The following FBXL4 variants were observed in gnomAD, a reference collection of about 807,000 sequenced individuals.
FBXL4 encodes F-box/LRR-repeat protein 4.
A neutral mutation model predicts 58.9 loss-of-function variants in FBXL4; 40 were observed. The ratio of observed to expected loss-of-function variants is 0.68; its 90% CI spans 0.53 to 0.88. The LOEUF (loss-of-function observed/expected upper bound fraction) is 0.88. Ranked by LOEUF, FBXL4 falls within the 40% of genes least tolerant of loss-of-function variation. FBXL4 has a pLI of 0.00. For synonymous variants in FBXL4, 263 were observed against 265.5 expected, an observed-to-expected ratio of 0.99 and a Z score of 0.09; for missense variants, 676 against 734.4, an observed-to-expected ratio of 0.92 and a Z score of 0.92.
chr6:98,871,523 C>G lies in FBXL4; in HGVS notation c.*2755G>C, dbSNP rs1770490244. On this transcript the variant is annotated 3_prime_UTR_variant, in exon 10 of 10. Coordinates refer to ENST00000369244, the MANE Select transcript of FBXL4 (RefSeq NM_001278716.2). The stretch of plus-strand genomic sequence containing the variant: ...TTCATGCAACCTGAAGTAGAATCTG[C>G]TAAGATGTGTTACAACTGGTGGTGT... 6.6e-6 allele frequency: 1 copy of G among 152,170 alleles called. No homozygotes were observed. Among genetic ancestry groups the G allele is most frequent in the African/African-American group, 2.4e-5 (1 of 41,444 alleles). 9.4% of individuals were successfully genotyped at this position (152,170 alleles called of 1,614,324 possible).
chr6:98,913,281 A>C (rs974846828), intron 5 of FBXL4, among the ~76,000 whole-genome samples: 2 of 152,094 alleles, frequency 1.3e-5, no homozygotes, highest in Non-Finnish European at 2.9e-5. Flanking sequence ...ACAGAAAGTT[A>C]ACAAGGATAC....
intron 5 of FBXL4, among the ~76,000 whole-genome samples, chr6:98,908,654 T>C (rs2604064): frequency 0.013 from 1,982 of 152,176 alleles, 44 homozygotes; most frequent in African/African-American, 0.045. Context: ...CTAGACAACA[T>C]TGGTATCAAA....
At chr6:98,946,882 T>TA (rs1184236732) in intron 1 of FBXL4, among the ~76,000 whole-genome samples, 2 of 152,126 alleles carry the variant, frequency 1.3e-5, no homozygotes, top group African/African-American at 4.8e-5. Flanking sequence ...AACCAACAGA[T>TA]ACAATATGCG....
chr6:98,916,298 C>A (rs535214937), intron 5 of FBXL4, among the ~76,000 whole-genome samples: 40 of 152,260 alleles, frequency 2.6e-4, no homozygotes, highest in Non-Finnish European at 2.4e-4. Context: ...ACCATTTGAC[C>A]CAGCCATCCC....
At chr6:98,929,352 A>G (rs1582443526) in intron 2 of FBXL4, among the ~76,000 whole-genome samples, 1 of 152,168 alleles carries the variant, frequency 6.6e-6, no homozygotes, top group East Asian at 1.9e-4. Context: ...CAGGTGGATC[A>G]CCTGAGGTCA....
intron 1 of FBXL4, among the ~76,000 whole-genome samples, chr6:98,936,746 C>G (rs1241974118): frequency 6.6e-6 from 1 of 152,138 alleles, no homozygotes; most frequent in Non-Finnish European, 1.5e-5. Context: ...CAACCATAGG[C>G]TATTCAGTGG....
Position 98,905,468 on chromosome 6 carries a change from C to T in FBXL4, c.1061G>A (p.Trp354Ter). The T allele has an allele frequency of 6.2e-7, 1 of 1,613,920 alleles. No homozygotes were observed. The highest frequency in any genetic ancestry group is 8.5e-7 in the Non-Finnish European group (1 of 1,179,946). ...CTLVQWLNLS[W>*]TGNRGFISVA... The stretch of plus-strand genomic sequence containing the variant: ...AGAGATGAAGCCTCTATTGCCAGTC[C>T]AAGATAAATTAAGCCACTGGACAAG... The change falls in exon 6 of 10, where the codon TGG becomes TAG. Residue 354 changes from tryptophan to a stop codon, truncating the protein, a stop_gained. Transcript: ENST00000369244. LOFTEE classifies it high-confidence loss of function.
intron 7 of FBXL4, among the ~76,000 whole-genome samples, chr6:98,882,881 TACAA>T (rs780373793): frequency 2.4e-4 from 37 of 152,188 alleles, no homozygotes; most frequent in African/African-American, 5.5e-4. Context: ...TTTTCACCAT[TACAA>T]ACAGTGTTAG....
At chr6:98,901,493 C>G (rs775072980) in intron 6 of FBXL4, among the ~76,000 whole-genome samples, 1 of 152,010 alleles carries the variant, frequency 6.6e-6, no homozygotes, top group Non-Finnish European at 1.5e-5. Flanking sequence ...TAGGAAACTT[C>G]CCAACTTGAT....
chr6:98,912,673 G>A, intron 5 of FBXL4, among the ~76,000 whole-genome samples: 1 of 151,944 alleles, frequency 6.6e-6, no homozygotes, highest in Admixed American at 6.6e-5. Context: ...GCTCCTGAAG[G>A]AAGCACTAAA....
At chr6:98,880,684 GAAGAGGTCAATTAGACATTA>G in intron 7 of FBXL4, 60 bp from the exon 8 acceptor site, 13 of 1,413,826 alleles carry the variant, frequency 9.2e-6, no homozygotes, top group Non-Finnish European at 1.3e-5. Flanking sequence ...GAAACAAAGA[GAAGAGGTCAATTAGACATTA>G]AAGGCTGTCA....
intron 1 of FBXL4, among the ~76,000 whole-genome samples, chr6:98,945,573 T>C (rs1040034137): frequency 1.3e-5 from 2 of 152,234 alleles, no homozygotes; most frequent in Admixed American, 6.5e-5. Context: ...AATGCATACA[T>C]TTATTTCATG....
In FBXL4 at chr6:98,871,601, A is replaced by G. The variant is rs1770492171; in HGVS notation, c.*2677T>C. On this transcript the variant is annotated 3_prime_UTR_variant, in exon 10 of 10. Transcript: ENST00000369244. ...GTTTGTCAAATTTATAAAGCCTGTGAAAAGGTAAGAAGGTATTTAAAATCT... is the reference window on the plus strand; with the variant it reads ...GTTTGTCAAATTTATAAAGCCTGTGGAAAGGTAAGAAGGTATTTAAAATCT... 1.3e-5 allele frequency: 2 copies of G among 152,242 alleles called. No individual in the cohort carries two copies. The highest frequency in any genetic ancestry group is 1.3e-4 in the Admixed American group (2 of 15,288). The allele number at this position is 152,242 out of a possible 1,614,324, so 9.4% of individuals were successfully genotyped here. A position where few individuals can be genotyped will look rare whatever the true frequency, so the allele number is the denominator to read the frequency against.
intron 7 of FBXL4, among the ~76,000 whole-genome samples, chr6:98,886,149 T>A (rs780461191): frequency 6.6e-6 from 1 of 152,194 alleles, no homozygotes; most frequent in Admixed American, 6.5e-5. Flanking sequence ...TGTGAGATAA[T>A]ACATGTAGGT....
Position 98,873,291 on chromosome 6 carries a change from A to C in FBXL4, c.*987T>G, listed in dbSNP as rs1016389015. ...TGTAATATATAATTATATAATATAT[A>C]ATATATACATGTATATATTAAAAAT... On this transcript the variant is annotated 3_prime_UTR_variant, in exon 10 of 10. Coordinates refer to ENST00000369244, the MANE Select transcript of FBXL4 (RefSeq NM_001278716.2). 1 of 147,578 alleles carries C rather than the reference A, an allele frequency of 6.8e-6. No individual in the cohort carries two copies. The highest frequency in any genetic ancestry group is 1.5e-5 in the Non-Finnish European group (1 of 67,122). 9.1% of individuals were successfully genotyped at this position (147,578 alleles called of 1,614,324 possible).
intron 1 of FBXL4, among the ~76,000 whole-genome samples, chr6:98,944,558 C>G (rs1396503697): frequency 6.6e-6 from 1 of 152,182 alleles, no homozygotes; most frequent in South Asian, 2.1e-4. Flanking sequence ...TTCATCTTAG[C>G]AGGCCTCTCA....
At chr6:98,876,991 G>C (rs1770685248) in intron 8 of FBXL4, among the ~76,000 whole-genome samples, 1 of 152,080 alleles carries the variant, frequency 6.6e-6, no homozygotes. Context: ...CTGGAGGATG[G>C]GCCTATAGTG....
chr6:98,885,207 G>T (rs1233730755), intron 7 of FBXL4, among the ~76,000 whole-genome samples: 1 of 152,110 alleles, frequency 6.6e-6, no homozygotes, highest in African/African-American at 2.4e-5. Flanking sequence ...TGGTTTAAGC[G>T]ATTCTCCTGC....
intron 7 of FBXL4, among the ~76,000 whole-genome samples, chr6:98,888,584 A>G (rs946832283): frequency 6.6e-6 from 1 of 152,244 alleles, no homozygotes; most frequent in South Asian, 2.1e-4. Flanking sequence ...CCCCAAGTCT[A>G]CACATTCTGC....
Sources: gnomAD v4.1 joint callset for allele counts (sites outside exome capture counted in the v4.1 genomes callset) on GRCh38, gnomAD v4.1.1 for gene constraint, MANE v1.5 for transcripts, NCBI Gene and HGNC (gene_info 2026-07-23, HGNC 2026-07-21) for gene names.